KPNA6: variants seen among roughly 807,000 people sequenced by gnomAD.
KPNA6 encodes the protein importin subunit alpha-7.
KPNA6 carries 9 observed loss-of-function variants against 72.0 expected under a neutral mutation model. The ratio of observed to expected loss-of-function variants is 0.13; its 90% CI spans 0.08 to 0.22. The LOEUF is 0.22. Ranked by LOEUF, KPNA6 falls within the 10% of genes least tolerant of loss-of-function variation. The pLI is 1.00. For missense variants in KPNA6, 374 were observed against 655.7 expected (o/e 0.57, Z 4.69); for synonymous variants, 219 against 242.1 (o/e 0.90, Z 0.89).
intron 1 of KPNA6, among the ~76,000 whole-genome samples, chr1:32,119,032 A>ATATTTTT (rs1167325052): frequency 3.7e-4 from 15 of 40,278 alleles, no homozygotes; most frequent in African/African-American, 8.0e-4. Flanking sequence ...ATATATATAT[A>ATATTTTT]TTTTTTTTTT....
Position 32,174,806 on chromosome 1 carries a change from G to C in KPNA6, c.*3912G>C, listed in dbSNP as rs567741671. On this transcript the variant is annotated 3_prime_UTR_variant, in exon 14 of 14. Coordinates refer to ENST00000373625, the MANE Select transcript of KPNA6 (RefSeq NM_012316.5). ...TGGGGAAGGGTGCAGGGCTCAGTGC[G>C]CTAAACCATGGTAAACATCTTCAAT... The C allele has an allele frequency of 6.6e-6, 1 of 152,152 alleles. No individual in the cohort carries two copies. The highest frequency in any genetic ancestry group is 2.1e-4 in the South Asian group (1 of 4,820). 9.4% of individuals were successfully genotyped at this position (152,152 alleles called of 1,614,324 possible).
intron 11 of KPNA6, among the ~76,000 whole-genome samples, chr1:32,166,938 AAAATAAAT>A (rs745794710): frequency 1.3e-4 from 20 of 152,082 alleles, no homozygotes; most frequent in Non-Finnish European, 2.8e-4. Context: ...ACTGTCTCAG[AAAATAAAT>A]AAATAAATAA....
chr1:32,169,858 A>G lies in KPNA6; in HGVS notation c.1245-24A>G, dbSNP rs748036772. 20 of 1,609,818 alleles carry G rather than the reference A, an allele frequency of 1.2e-5. No individual in the cohort carries two copies. The South Asian group carries it at 2.0e-4, about 16-fold the overall frequency. ...TTCATGTGTCCTGTACTAGTTTAGCACTTGCCTGGTCTCTGGCCCCTAGGT... is the reference window on the plus strand; with the variant it reads ...TTCATGTGTCCTGTACTAGTTTAGCGCTTGCCTGGTCTCTGGCCCCTAGGT... On this transcript the variant is annotated intron_variant, in intron 12 of 13. Transcript: ENST00000373625.
intron 12 of KPNA6, among the ~76,000 whole-genome samples, chr1:32,168,489 T>C (rs1642378310): frequency 6.6e-6 from 1 of 152,238 alleles, no homozygotes; most frequent in Non-Finnish European, 1.5e-5. Context: ...CTGGCCTGTG[T>C]ACTCTTTTAT....
At chr1:32,149,860 A>T (rs1641997270) in intron 1 of KPNA6, among the ~76,000 whole-genome samples, 1 of 152,130 alleles carries the variant, frequency 6.6e-6, no homozygotes. Context: ...TTTGTTGGAT[A>T]TAAAATTCTA....
At chr1:32,127,116 C>T (rs1570007321) in intron 1 of KPNA6, among the ~76,000 whole-genome samples, 2 of 152,220 alleles carry the variant, frequency 1.3e-5, no homozygotes, top group South Asian at 4.1e-4. Flanking sequence ...TTATTTATTG[C>T]TTTCCGAAGA....
At position 32,175,029 on chromosome 1, in the gene KPNA6, T is replaced by G. The variant is rs771699141; in HGVS notation, c.*4135T>G. ...TCCATGTAGTGGGCACTAGCTGCTC[T>G]TTGGCCAAGGCCTTCATAAATGATT... On this transcript the variant is annotated 3_prime_UTR_variant, in exon 14 of 14. Coordinates refer to ENST00000373625, the MANE Select transcript of KPNA6 (RefSeq NM_012316.5). 2 of 152,260 alleles carry G rather than the reference T, an allele frequency of 1.3e-5. No homozygotes were observed. The highest frequency in any genetic ancestry group is 2.9e-5 in the Non-Finnish European group (2 of 68,064). 9.4% of individuals were successfully genotyped at this position (152,260 alleles called of 1,614,324 possible).
At chr1:32,153,272 A>G (rs1413518350) in intron 1 of KPNA6, among the ~76,000 whole-genome samples, 1 of 151,678 alleles carries the variant, frequency 6.6e-6, no homozygotes, top group Non-Finnish European at 1.5e-5. Context: ...CTGATTTAAA[A>G]GAACGTGAAC....
At chr1:32,136,479 G>A (rs1177165986) in intron 1 of KPNA6, among the ~76,000 whole-genome samples, 1 of 152,008 alleles carries the variant, frequency 6.6e-6, no homozygotes. Context: ...AGCTTCTCTT[G>A]AAAATCTGAT....
rs1642426487 is a variant in KPNA6 at position 32,171,017 on chromosome 1, A to G, written c.*123A>G. ...ACCACACACCTCTGCTGCCCTGGAG[A>G]CTGTGCTCTTGACCTGCTCCGCCCC... On this transcript the variant is annotated 3_prime_UTR_variant, in exon 14 of 14. Transcript: ENST00000373625. 2 of 838,816 alleles carry G rather than the reference A, an allele frequency of 2.4e-6. No homozygotes were observed. Among genetic ancestry groups the G allele is most frequent in the African/African-American group, 3.4e-5 (2 of 59,100 alleles). The allele number at this position is 838,816 out of a possible 1,614,324, so 52.0% of individuals were successfully genotyped here. A position where few individuals can be genotyped will look rare whatever the true frequency, so the allele number is the denominator to read the frequency against.
intron 1 of KPNA6, among the ~76,000 whole-genome samples, chr1:32,144,166 G>T (rs1641891334): frequency 6.6e-6 from 1 of 152,132 alleles, no homozygotes; most frequent in Non-Finnish European, 1.5e-5. Flanking sequence ...CATCACTTTT[G>T]CACTTTGGGG....
intron 1 of KPNA6, among the ~76,000 whole-genome samples, chr1:32,128,040 A>G (rs972094977): frequency 3.9e-5 from 6 of 152,114 alleles, no homozygotes; most frequent in Non-Finnish European, 8.8e-5. Context: ...GCTGGCTTAA[A>G]TGGAAATTGA....
At chr1:32,158,041 AAAGATG>A (rs1297130226) in intron 4 of KPNA6, among the ~76,000 whole-genome samples, 1 of 152,244 alleles carries the variant, frequency 6.6e-6, no homozygotes, top group Non-Finnish European at 1.5e-5. Flanking sequence ...TTAGTAAGCC[AAAGATG>A]AACATTCTTA....
Position 32,134,221 on chromosome 1 carries a change from C to T in KPNA6, c.5-20367C>T, listed in dbSNP as rs149716039. On this transcript the variant is annotated intron_variant, in intron 1 of 13. Transcript: ENST00000373625. ...GCAGTGAGCCGAGATTGCACCATTG[C>T]GCTCCAGCCTTGGTGACAGTACAAC... Among the ~76,000 whole-genome samples the T allele has an allele frequency of 5.9e-3, 879 of 149,722 alleles. 14 individuals carry two copies. The highest frequency in any genetic ancestry group is 0.021 in the African/African-American group (835 of 40,622).
chr1:32,153,335 G>A (rs983461626), intron 1 of KPNA6, among the ~76,000 whole-genome samples: 5 of 152,046 alleles, frequency 3.3e-5, no homozygotes, highest in Admixed American at 2.6e-4. Context: ...GGAGGCCGAG[G>A]CAGGCAGTTC....
At chr1:32,119,807 C>T (rs1189131118) in intron 1 of KPNA6, among the ~76,000 whole-genome samples, 2 of 149,768 alleles carry the variant, frequency 1.3e-5, no homozygotes, top group African/African-American at 2.5e-5. Context: ...TGCAGTGGCA[C>T]GATCTCAGCT....
chr1:32,173,119 A>G lies in KPNA6; in HGVS notation c.*2225A>G. On this transcript the variant is annotated 3_prime_UTR_variant, in exon 14 of 14. Coordinates refer to ENST00000373625, the MANE Select transcript of KPNA6 (RefSeq NM_012316.5). Reference sequence around the variant, plus strand: ...ATCTCCCAGGAAGGCAGGGGGCAGAATCTTTTTTTCACTTGGCCTGCTACC... The same window carrying G: ...ATCTCCCAGGAAGGCAGGGGGCAGAGTCTTTTTTTCACTTGGCCTGCTACC... 1 of 390,144 alleles carries G rather than the reference A, an allele frequency of 2.6e-6. No homozygotes were observed. Among genetic ancestry groups the G allele is most frequent in the Non-Finnish European group, 4.4e-6 (1 of 224,806 alleles). The allele number at this position is 390,144 out of a possible 1,614,324, so 24.2% of individuals were successfully genotyped here. A position where few individuals can be genotyped will look rare whatever the true frequency, so the allele number is the denominator to read the frequency against.
chr1:32,169,758 C>T (rs1275647969), intron 12 of KPNA6, 124 bp from the exon 13 acceptor site: 1 of 861,970 alleles, frequency 1.2e-6, no homozygotes, highest in African/African-American at 1.7e-5. Flanking sequence ...CCGCGCTCGG[C>T]CTCACAATTC....
At position 32,157,353 on chromosome 1, in the gene KPNA6, T is replaced by G. The variant is rs142142441; in HGVS notation, c.239T>G (p.Val80Gly). ...ACTTGTTTTATGTTCTAGGAGAGTG[T>G]GATCACAAGAGAGATGGTGGAGATG... ...SYVSSTTGES[V>G]ITREMVEMLF... is the part of the protein sequence containing the mutation. Residue 80 changes from valine to glycine, a missense_variant, in exon 4 of 14, where the codon GTG becomes GGG. Physicochemically the swap from Val to Gly is moderately radical, Grantham distance 109 (BLOSUM62 -3). This residue lies in a region of KPNA6 where 298 missense variants were observed against 495.4 expected (regional missense o/e 0.60). Coordinates refer to ENST00000373625, the MANE Select transcript of KPNA6 (RefSeq NM_012316.5). 4.2e-5 allele frequency: 67 copies of G among 1,613,152 alleles called. No individual in the cohort carries two copies. Among genetic ancestry groups the G allele is most frequent in the Non-Finnish European group, 5.5e-5 (65 of 1,179,216 alleles).
Sources: allele counts gnomAD v4.1 joint callset (sites outside exome capture counted in the v4.1 genomes callset), GRCh38; gene constraint gnomAD v4.1.1; regional missense constraint gnomAD v4.1.1; transcripts MANE v1.5; gene names NCBI Gene and HGNC (gene_info 2026-07-23, HGNC 2026-07-21).